NGF: variants seen among roughly 807,000 people sequenced by gnomAD.
NGF encodes nerve growth factor, also known as beta-nerve growth factor.
In NGF, 4 loss-of-function variants were observed where a neutral mutation model predicts 12.8. The observed-to-expected ratio is 0.31, with a 90% CI of 0.15 to 0.72. The LOEUF is 0.72. Among genes scored for constraint, NGF ranks in the 30% least tolerant of loss-of-function variants. The pLI is 0.69. For missense variants in NGF, 283 were observed against 330.8 expected (o/e 0.86, Z 1.12); for synonymous variants, 140 against 130.0 (o/e 1.08, Z -0.52).
intron 1 of NGF, among the ~76,000 whole-genome samples, chr1:115,333,643 CTT>C (rs1347594565): frequency 6.6e-6 from 1 of 150,940 alleles, no homozygotes; most frequent in East Asian, 2.0e-4. Context: ...CTCCTTAAGA[CTT>C]TCTTTCTTTC....
intron 1 of NGF, among the ~76,000 whole-genome samples, chr1:115,297,122 C>T (rs1653897769): frequency 6.6e-6 from 1 of 152,164 alleles, no homozygotes; most frequent in Non-Finnish European, 1.5e-5. Context: ...TTAGTAATAT[C>T]TTAGAACATG....
At chr1:115,302,279 G>A (rs913017876) in intron 1 of NGF, among the ~76,000 whole-genome samples, 11 of 152,274 alleles carry the variant, frequency 7.2e-5, no homozygotes, top group Non-Finnish European at 1.0e-4. Flanking sequence ...TGACAGGTGC[G>A]CCACAGAGGA....
intron 1 of NGF, among the ~76,000 whole-genome samples, chr1:115,337,256 G>GTTTTTTTTTTTTTTTTTTTTT (rs1364127314): frequency 3.7e-5 from 1 of 27,200 alleles, no homozygotes; most frequent in African/African-American, 1.7e-4. Flanking sequence ...AATTTTTTTT[G>GTTTTTTTTTTTTTTTTTTTTT]TTTTGTTTTT....
intron 1 of NGF, among the ~76,000 whole-genome samples, chr1:115,303,183 A>C (rs896876370): frequency 6.6e-6 from 1 of 152,176 alleles, no homozygotes; most frequent in Admixed American, 6.5e-5. Flanking sequence ...AAACAGAAGA[A>C]TCACTTCAAA....
chr1:115,306,524 A>G (rs772427248), intron 1 of NGF, among the ~76,000 whole-genome samples: 6 of 152,234 alleles, frequency 3.9e-5, no homozygotes, highest in Non-Finnish European at 8.8e-5. Flanking sequence ...CTCTTTCTAG[A>G]ATAATAAAAA....
At chr1:115,337,302 T>TTTTTTTTTTTG (rs1655154705) in intron 1 of NGF, among the ~76,000 whole-genome samples, 1 of 122,674 alleles carries the variant, frequency 8.2e-6, no homozygotes, top group African/African-American at 3.2e-5. Context: ...TTTTTTTTTT[T>TTTTTTTTTTTG]TTTAGAAGGA....
chr1:115,337,770 T>C (rs1655175299), intron 1 of NGF, among the ~76,000 whole-genome samples: 1 of 151,872 alleles, frequency 6.6e-6, no homozygotes, highest in Non-Finnish European at 1.5e-5. Context: ...CGCTCTGCGC[T>C]CCCCCCGCGG....
At chr1:115,288,232 C>G (rs80097793) in intron 2 of NGF, among the ~76,000 whole-genome samples, 7,495 of 152,234 alleles carry the variant, frequency 0.049, 241 homozygotes, top group African/African-American at 0.085. Context: ...TGTGTGTTCT[C>G]TCCTACTAAA....
intron 1 of NGF, among the ~76,000 whole-genome samples, chr1:115,336,994 C>T (rs1655125255): frequency 6.6e-6 from 1 of 152,108 alleles, no homozygotes; most frequent in African/African-American, 2.4e-5. Flanking sequence ...GCAGAGGCAC[C>T]CAGGAGAGCA....
intron 1 of NGF, among the ~76,000 whole-genome samples, chr1:115,336,208 A>T (rs1052326369): frequency 5.3e-5 from 8 of 151,538 alleles, no homozygotes; most frequent in African/African-American, 1.9e-4. Context: ...GAGTGGGCCC[A>T]GTTCATTTCT....
chr1:115,326,020 G>A (rs1654762128), intron 1 of NGF, among the ~76,000 whole-genome samples: 1 of 152,094 alleles, frequency 6.6e-6, no homozygotes, highest in Non-Finnish European at 1.5e-5. Context: ...GGGCCCAGGG[G>A]AGAGATCCAG....
At chr1:115,323,370 G>A (rs925892718) in intron 1 of NGF, among the ~76,000 whole-genome samples, 2 of 152,112 alleles carry the variant, frequency 1.3e-5, no homozygotes, top group Admixed American at 1.3e-4. Flanking sequence ...GATGGAAGGG[G>A]ATCCCAAAGA....
At chr1:115,320,861 G>A (rs189590906) in intron 1 of NGF, among the ~76,000 whole-genome samples, 37 of 152,330 alleles carry the variant, frequency 2.4e-4, no homozygotes, top group Admixed American at 1.8e-3. Context: ...GTGATTATCC[G>A]TAGTGTGGCC....
At chr1:115,306,441 G>A (rs1159930225) in intron 1 of NGF, among the ~76,000 whole-genome samples, 1 of 152,160 alleles carries the variant, frequency 6.6e-6, no homozygotes, top group Non-Finnish European at 1.5e-5. Context: ...AAGAGGTTGA[G>A]TTACCATCAG....
chr1:115,327,817 T>G (rs745480357), intron 1 of NGF, among the ~76,000 whole-genome samples: 1 of 152,174 alleles, frequency 6.6e-6, no homozygotes, highest in Non-Finnish European at 1.5e-5. Flanking sequence ...TTCACCTGCT[T>G]GGGAGGTGGG....
chr1:115,304,754 G>T (rs1047789300), intron 1 of NGF, among the ~76,000 whole-genome samples: 1 of 152,178 alleles, frequency 6.6e-6, no homozygotes, highest in Non-Finnish European at 1.5e-5. Flanking sequence ...TAAGAGAGGA[G>T]TTCTGGGAGT....
At position 115,286,512 on chromosome 1, in the gene NGF, C is replaced by A; in HGVS notation, c.284G>T (p.Arg95Leu). ...CAGATCCTGAGTGTCTGCAGCTTCA[C>A]GGGGAGGCTGGGTGCTAAACAGCAC... ...PRVLFSTQPPREAADTQDLDF... is the reference protein window; with the variant it reads ...PRVLFSTQPPLEAADTQDLDF... The change falls in exon 3 of 3, where the codon CGT (arginine) becomes CTT (leucine). Residue 95 changes from arginine to leucine, a missense_variant. By Grantham distance (102) the Arg-to-Leu change is moderately radical. This residue lies in a region of NGF where 151 missense variants were observed against 141.6 expected (regional missense o/e 1.07). Transcript: ENST00000369512. The A allele has an allele frequency of 6.2e-7, 1 of 1,614,158 alleles. No individual in the cohort carries two copies. Among genetic ancestry groups the A allele is most frequent in the Non-Finnish European group, 8.5e-7 (1 of 1,180,030 alleles).
intron 1 of NGF, among the ~76,000 whole-genome samples, chr1:115,305,932 G>A (rs748343765): frequency 1.3e-5 from 2 of 152,174 alleles, no homozygotes; most frequent in Non-Finnish European, 2.9e-5. Flanking sequence ...GGTTTTTTGG[G>A]TGTGAATACC....
intron 1 of NGF, among the ~76,000 whole-genome samples, chr1:115,322,778 G>A (rs1306847771): frequency 1.3e-5 from 2 of 152,158 alleles, no homozygotes; most frequent in African/African-American, 4.8e-5. Context: ...GCCCACAAAT[G>A]AGTGGTCAGT....
Sources: gnomAD v4.1 joint callset for allele counts (sites outside exome capture counted in the v4.1 genomes callset) on GRCh38, gnomAD v4.1.1 for gene constraint, gnomAD v4.1.1 regional missense constraint, MANE v1.5 for transcripts, NCBI Gene and HGNC (gene_info 2026-07-23, HGNC 2026-07-21) for gene names.